Variants in SCGN observed in about 807,000 individuals in gnomAD.
SCGN encodes the protein secretagogin, EF-hand calcium binding protein.
SCGN carries 30 observed loss-of-function variants against 39.7 expected under a neutral mutation model. The ratio of observed to expected loss-of-function variants is 0.76; its 90% CI spans 0.57 to 1.03. SCGN has a LOEUF of 1.03. Among genes scored for constraint, SCGN ranks in the 50% least tolerant of loss-of-function variants. The pLI is 0.00. For synonymous variants in SCGN, 106 were observed against 114.1 expected (o/e 0.93, Z 0.45); for missense variants, 353 against 349.4 (o/e 1.01, Z -0.08).
At chr6:25,666,150 G>T (rs1186383349) in intron 4 of SCGN, among the ~76,000 whole-genome samples, 1 of 147,900 alleles carries the variant, frequency 6.8e-6, no homozygotes, top group Non-Finnish European at 1.5e-5. Flanking sequence ...AGGCAGCCTG[G>T]CCAACACTGT....
At chr6:25,652,609 G>A (rs920964093) in intron 1 of SCGN, 124 bp downstream of exon 1, 8 of 771,362 alleles carry the variant, frequency 1.0e-5, no homozygotes, top group African/African-American at 5.2e-5. Context: ...TTAATGCAGT[G>A]TACCTAATAC....
chr6:25,665,914 T>G (rs1291149182), intron 4 of SCGN, among the ~76,000 whole-genome samples: 1 of 152,216 alleles, frequency 6.6e-6, no homozygotes. Context: ...GCCCAGAGAT[T>G]GTCACTGACG....
intron 7 of SCGN, among the ~76,000 whole-genome samples, chr6:25,686,636 A>T (rs1438246772): frequency 6.6e-6 from 1 of 152,132 alleles, no homozygotes; most frequent in East Asian, 1.9e-4. Context: ...ACTTTTTTCC[A>T]TTATGAGAGT....
intron 2 of SCGN, 98 bp downstream of exon 2, chr6:25,653,550 C>T: frequency 1.2e-6 from 1 of 825,714 alleles, no homozygotes; most frequent in Non-Finnish European, 2.0e-6. Flanking sequence ...CAACTCACCT[C>T]CTTTCTTCCT....
chr6:25,679,257 C>A, intron 6 of SCGN: 1 of 154,936 alleles, frequency 6.5e-6, no homozygotes, highest in South Asian at 2.0e-4. Context: ...TGGTCTTGGT[C>A]AGGAGTCACT....
At chr6:25,653,950 A>T (rs1760179942) in intron 2 of SCGN, among the ~76,000 whole-genome samples, 1 of 152,252 alleles carries the variant, frequency 6.6e-6, no homozygotes, top group African/African-American at 2.4e-5. Context: ...ACCAGAAAAC[A>T]ACCAGCATAC....
At chr6:25,680,720 A>G (rs1013558835) in intron 6 of SCGN, among the ~76,000 whole-genome samples, 6 of 152,188 alleles carry the variant, frequency 3.9e-5, no homozygotes, top group Admixed American at 1.3e-4. Flanking sequence ...TTTTTACTGG[A>G]TACTGTATAG....
chr6:25,653,319 G>T, intron 1 of SCGN, 63 bp from the exon 2 acceptor site: 1 of 1,118,106 alleles, frequency 8.9e-7, no homozygotes, highest in South Asian at 1.4e-5. Flanking sequence ...AACATATTTA[G>T]ATAAATACTG....
At chr6:25,654,386 G>A (rs938838831) in intron 2 of SCGN, among the ~76,000 whole-genome samples, 6 of 152,216 alleles carry the variant, frequency 3.9e-5, no homozygotes, top group African/African-American at 1.4e-4. Context: ...CAGCCACACA[G>A]ATCTCTTGGT....
chr6:25,666,094 C>T (rs1760419796), intron 4 of SCGN, among the ~76,000 whole-genome samples: 1 of 150,810 alleles, frequency 6.6e-6, no homozygotes, highest in Admixed American at 6.6e-5. Flanking sequence ...AATTCCAGCA[C>T]TCTGGGAGTC....
chr6:25,685,098 G>C (rs1378487063), intron 7 of SCGN, among the ~76,000 whole-genome samples: 1 of 152,134 alleles, frequency 6.6e-6, no homozygotes, highest in East Asian at 1.9e-4. Flanking sequence ...GCAGCCTCTA[G>C]AACCTGAAAA....
At chr6:25,670,595 G>T (rs190518980) in intron 6 of SCGN, among the ~76,000 whole-genome samples, 26 of 152,322 alleles carry the variant, frequency 1.7e-4, no homozygotes, top group African/African-American at 6.0e-4. Flanking sequence ...ATAAAATGGG[G>T]ACGAATAACA....
intron 6 of SCGN, among the ~76,000 whole-genome samples, chr6:25,680,730 G>A (rs533164962): frequency 6.6e-6 from 1 of 152,258 alleles, no homozygotes; most frequent in South Asian, 2.1e-4. Flanking sequence ...ATACTGTATA[G>A]TGTTTATGTT....
intron 7 of SCGN, among the ~76,000 whole-genome samples, chr6:25,687,556 G>A (rs2151382008): frequency 1.3e-5 from 2 of 152,106 alleles, no homozygotes; most frequent in Non-Finnish European, 2.9e-5. Context: ...CTGGATTTGT[G>A]TATTAGCTCT....
At chr6:25,659,444 G>T (rs1390021726) in intron 2 of SCGN, among the ~76,000 whole-genome samples, 1 of 152,148 alleles carries the variant, frequency 6.6e-6, no homozygotes, top group Non-Finnish European at 1.5e-5. Context: ...AGATTGTTCT[G>T]CCAGTATTCA....
At chr6:25,689,276 A>G in intron 8 of SCGN, 59 bp downstream of exon 8, 1 of 1,346,010 alleles carries the variant, frequency 7.4e-7, no homozygotes, top group Non-Finnish European at 1.0e-6. Flanking sequence ...TACGGATTTG[A>G]GCAGGAAAGA....
intron 4 of SCGN, among the ~76,000 whole-genome samples, chr6:25,667,153 GA>G (rs1024389597): frequency 1.6e-4 from 25 of 151,794 alleles, no homozygotes; most frequent in African/African-American, 3.6e-4. Context: ...CATGATATCA[GA>G]AAAAAAATCA....
intron 1 of SCGN, 88 bp downstream of exon 1, chr6:25,652,573 G>A: frequency 1.6e-6 from 2 of 1,259,424 alleles, no homozygotes; most frequent in East Asian, 2.3e-5. Flanking sequence ...CCCCTTTACT[G>A]TAGGAAAAGT....
At position 25,669,502 on chromosome 6, in the gene SCGN, G is replaced by T. The variant is rs746477851; in HGVS notation, c.337-9G>T. The T allele has an allele frequency of 1.9e-6, 3 of 1,611,748 alleles. No homozygotes were observed. The highest frequency in any genetic ancestry group is 3.3e-5 in the Admixed American group (2 of 60,006). On this transcript the variant is annotated splice_polypyrimidine_tract_variant and intron_variant, in intron 4 of 10. Transcript: ENST00000377961. ...GGATAAATTAATTAGTGACTTTTGTGTATTTCAGATTTGGCGCAAATATGA... is the reference window on the plus strand; with the variant it reads ...GGATAAATTAATTAGTGACTTTTGTTTATTTCAGATTTGGCGCAAATATGA...
Sources: gnomAD v4.1 joint callset for allele counts (sites outside exome capture counted in the v4.1 genomes callset) on GRCh38, gnomAD v4.1.1 for gene constraint, MANE v1.5 for transcripts, NCBI Gene and HGNC (gene_info 2026-07-23, HGNC 2026-07-21) for gene names.